Variants in FDFT1 observed in about 807,000 individuals in gnomAD.
The protein encoded by FDFT1 is farnesyl-diphosphate farnesyltransferase 1, also known as squalene synthase.
FDFT1 carries 68 observed loss-of-function variants against 46.8 expected under a neutral mutation model. That is an observed-to-expected ratio of 1.45 (90% CI 1.19 to 1.78). FDFT1 has a LOEUF of 1.78. Among genes scored for constraint, FDFT1 ranks in the 40% most tolerant of loss-of-function variants. The pLI, the probability that FDFT1 is intolerant of heterozygous loss-of-function variation, is 0.00. For synonymous variants in FDFT1, 351 were observed against 185.1 expected, an observed-to-expected ratio of 1.90 and a Z score of -7.28; for missense variants, 928 against 524.4, an observed-to-expected ratio of 1.77 and a Z score of -7.52.
intron 3 of FDFT1, among the ~76,000 whole-genome samples, chr8:11,816,071 C>G (rs994747610): frequency 2.0e-5 from 3 of 152,208 alleles, no homozygotes; most frequent in African/African-American, 7.2e-5. Flanking sequence ...GATCCAGTTT[C>G]AGCTTTCTAC....
chr8:11,803,125 T>C (rs1806350943), intron 1 of FDFT1, 194 bp downstream of exon 1: 1 of 1,430,416 alleles, frequency 7.0e-7, no homozygotes, highest in Admixed American at 2.7e-5. Flanking sequence ...GGCTGACCTG[T>C]CCCTGCCCCC....
rs1811913037 is a variant in FDFT1, at chr8:11,838,697, TC to T, written c.*90del. The T allele has an allele frequency of 9.4e-7, 1 of 1,059,480 alleles. No individual in the cohort carries two copies. The highest frequency in any genetic ancestry group is 1.9e-5 in the Admixed American group (1 of 53,220). The allele number at this position is 1,059,480 out of a possible 1,614,324, so 65.6% of individuals were successfully genotyped here. ...GGATGTTGTGTTCTCTTTATTTTTT[TC>T]CTACTACTTTAATCCCTAAAAGAAC... On this transcript the variant is annotated 3_prime_UTR_variant, in exon 8 of 8. Transcript: ENST00000220584.
Position 11,811,455 on chromosome 8 carries a change from AGG to A in FDFT1, c.381+1606_381+1607del, listed in dbSNP as rs1340389106. On this transcript the variant is annotated intron_variant, in intron 3 of 7. Coordinates refer to ENST00000220584, the MANE Select transcript of FDFT1 (RefSeq NM_004462.5). ...AAATGTGTTAGGTATTGCTAAGTCAAGGCAGCCCTATCCCCTCAGCAGAAGTG... is the reference window on the plus strand; with the variant it reads ...AAATGTGTTAGGTATTGCTAAGTCAACAGCCCTATCCCCTCAGCAGAAGTG... 4.0e-4 allele frequency among the ~76,000 whole-genome samples: 61 copies of A among 152,362 alleles called. No individual in the cohort carries two copies. In the East Asian group the frequency reaches 9.1e-3, roughly 23 times the overall value.
chr8:11,823,766 C>T (rs1273607118), intron 4 of FDFT1, among the ~76,000 whole-genome samples: 1 of 152,032 alleles, frequency 6.6e-6, no homozygotes, highest in African/African-American at 2.4e-5. Context: ...ATTTTTGAGA[C>T]AGGGTATTGC....
chr8:11,832,811 C>G (rs895229393), intron 7 of FDFT1, among the ~76,000 whole-genome samples: 6 of 152,070 alleles, frequency 3.9e-5, no homozygotes, highest in Non-Finnish European at 8.8e-5. Flanking sequence ...ACACTGTAGA[C>G]TTTATGAAAA....
upstream of FDFT1, among the ~76,000 whole-genome samples, chr8:11,798,728 A>G (rs1428477733): frequency 1.3e-5 from 2 of 152,224 alleles, no homozygotes; most frequent in Non-Finnish European, 2.9e-5. Context: ...AATTCAATAA[A>G]TACTCATTGA....
intron 3 of FDFT1, among the ~76,000 whole-genome samples, chr8:11,820,848 CT>C (rs1341035944): frequency 6.6e-6 from 1 of 152,206 alleles, no homozygotes; most frequent in Non-Finnish European, 1.5e-5. Context: ...TCCTGCCCTG[CT>C]TTGGCTCACC....
upstream of FDFT1, chr8:11,797,910 A>G (rs1240768168): frequency 6.6e-6 from 1 of 152,256 alleles, no homozygotes; most frequent in Non-Finnish European, 1.5e-5. Context: ...GTAGTACAAG[A>G]ATGGGTGGAC....
intron 5 of FDFT1, 152 bp from the exon 6 acceptor site, chr8:11,830,092 C>G (rs923027444): frequency 4.6e-6 from 3 of 657,664 alleles, no homozygotes; most frequent in Non-Finnish European, 5.4e-6. Context: ...GTGATCCACC[C>G]TCCTCGGCCT....
chr8:11,816,890 A>G (rs1013067676), intron 3 of FDFT1, among the ~76,000 whole-genome samples: 1 of 152,074 alleles, frequency 6.6e-6, no homozygotes, highest in African/African-American at 2.4e-5. Context: ...CCTGGCCAGA[A>G]CTACCAATAC....
chr8:11,819,283 T>C (rs1808894311), intron 3 of FDFT1, among the ~76,000 whole-genome samples: 1 of 152,212 alleles, frequency 6.6e-6, no homozygotes, highest in Admixed American at 6.5e-5. Flanking sequence ...CCTTAACATT[T>C]TTTCCTTCAT....
chr8:11,815,205 T>G (rs2130771629), intron 3 of FDFT1, among the ~76,000 whole-genome samples: 1 of 152,312 alleles, frequency 6.6e-6, no homozygotes. Flanking sequence ...AACTCATCCT[T>G]TTTTTATGGC....
chr8:11,808,556 C>T (rs961756590), intron 1 of FDFT1: 3 of 1,367,740 alleles, frequency 2.2e-6, no homozygotes, highest in South Asian at 1.7e-5. Flanking sequence ...CCATGGCCCT[C>T]TTCAAGCGCA....
chr8:11,821,101 C>G (rs974522942), intron 3 of FDFT1, among the ~76,000 whole-genome samples: 4 of 152,158 alleles, frequency 2.6e-5, no homozygotes, highest in Non-Finnish European at 4.4e-5. Flanking sequence ...CATGTTTGCA[C>G]AAATGAATCT....
At chr8:11,803,020 C>A in intron 1 of FDFT1, 89 bp downstream of exon 1, 3 of 1,510,682 alleles carry the variant, frequency 2.0e-6, no homozygotes, top group Non-Finnish European at 2.7e-6. Flanking sequence ...GGATCTGGGG[C>A]AAGGGGCGCG....
chr8:11,834,059 C>A lies in FDFT1; in HGVS notation c.1032+2389C>A, dbSNP rs1002693085. On this transcript the variant is annotated intron_variant, in intron 7 of 7. Coordinates refer to ENST00000220584, the MANE Select transcript of FDFT1 (RefSeq NM_004462.5). ...TCTTGCTGGTGTCCAGATATTAACA[C>A]TGATCCTATTTCTCCTTGCTGACCA... Among the ~76,000 whole-genome samples, 4 of 152,364 alleles carry A rather than the reference C, an allele frequency of 2.6e-5. No individual in the cohort carries two copies. In the East Asian group the frequency reaches 7.7e-4, roughly 29 times the overall value.
At chr8:11,808,555 T>C (rs1047933540) in intron 1 of FDFT1, 170 of 1,365,934 alleles carry the variant, frequency 1.2e-4, no homozygotes, top group Non-Finnish European at 1.5e-4. Context: ...GCCATGGCCC[T>C]CTTCAAGCGC....
chr8:11,825,746 T>TA (rs1474100126), intron 4 of FDFT1, among the ~76,000 whole-genome samples: 1 of 152,090 alleles, frequency 6.6e-6, no homozygotes, highest in Non-Finnish European at 1.5e-5. Context: ...AGTAGCCTTT[T>TA]ATTATAGTAG....
At chr8:11,828,584 C>T (rs934820477) in intron 5 of FDFT1, among the ~76,000 whole-genome samples, 2 of 152,248 alleles carry the variant, frequency 1.3e-5, no homozygotes, top group Non-Finnish European at 2.9e-5. Flanking sequence ...GATGCATGAG[C>T]GTGAGCCACA....
Sources: allele counts gnomAD v4.1 joint callset (sites outside exome capture counted in the v4.1 genomes callset), GRCh38; gene constraint gnomAD v4.1.1; transcripts MANE v1.5; gene names NCBI Gene and HGNC (gene_info 2026-07-23, HGNC 2026-07-21).